Variants in PRDM9 observed in about 807,000 individuals in gnomAD.
The protein encoded by PRDM9 is histone-lysine N-methyltransferase PRDM9.
In PRDM9, 47 loss-of-function variants were observed where a neutral mutation model predicts 55.6. The ratio of observed to expected loss-of-function variants is 0.85; its 90% CI spans 0.67 to 1.08. PRDM9 has a LOEUF of 1.08. Ranked by LOEUF, PRDM9 falls within the 50% of genes least tolerant of loss-of-function variation. PRDM9 has a pLI of 0.00. For synonymous variants in PRDM9, 312 were observed against 375.7 expected (o/e 0.83, Z 1.96); for missense variants, 867 against 1,040.3 (o/e 0.83, Z 2.29).
chr5:23,511,440 A>G (rs576924765), intron 4 of PRDM9, among the ~76,000 whole-genome samples: 1 of 152,160 alleles, frequency 6.6e-6, no homozygotes, highest in African/African-American at 2.4e-5. Flanking sequence ...CCACCTCCCA[A>G]GTTCAAGCGA....
chr5:23,508,867 C>T (rs1739033204), intron 1 of PRDM9, 83 bp from the exon 2 acceptor site: 2 of 773,814 alleles, frequency 2.6e-6, no homozygotes, highest in South Asian at 1.7e-5. Flanking sequence ...GCTCTGAACA[C>T]CCAGCCAGAT....
At chr5:23,514,774 C>T (rs1739171924) in intron 4 of PRDM9, among the ~76,000 whole-genome samples, 1 of 151,714 alleles carries the variant, frequency 6.6e-6, no homozygotes, top group Admixed American at 6.6e-5. Flanking sequence ...AGGGTCCCAC[C>T]CTCATGACAT....
intron 10 of PRDM9, 131 bp downstream of exon 10, chr5:23,524,658 A>G: frequency 6.2e-6 from 8 of 1,295,206 alleles, no homozygotes; most frequent in Non-Finnish European, 8.7e-6. Context: ...GTGGCTTCCA[A>G]AATTAAACAT....
chr5:23,515,726 A>G (rs1236552312), intron 4 of PRDM9, among the ~76,000 whole-genome samples: 1 of 152,214 alleles, frequency 6.6e-6, no homozygotes, highest in East Asian at 1.9e-4. Context: ...TCTCTTTTGC[A>G]TATGTATATC....
rs544416992 is a variant in PRDM9, at chr5:23,508,910, C to T, written c.-84-40C>T. On this transcript the variant is annotated intron_variant, in intron 1 of 10. Coordinates refer to ENST00000296682, the MANE Select transcript of PRDM9 (RefSeq NM_020227.4). ...ACAGAGCCTGGTTCTGGGTAGTGCT[C>T]AGGGCTGTTGCCCCCTCTCAGCACC... 60 of 1,155,042 alleles carry T rather than the reference C, an allele frequency of 5.2e-5. No homozygotes were observed. The African/African-American group carries it at 8.6e-4, about 17-fold the overall frequency. The allele number at this position is 1,155,042 out of a possible 1,614,324, so 71.5% of individuals were successfully genotyped here.
chr5:23,518,459 T>A (rs1739262460), intron 5 of PRDM9, among the ~76,000 whole-genome samples: 1 of 152,310 alleles, frequency 6.6e-6, no homozygotes, highest in East Asian at 1.9e-4. Context: ...TTTTCTCTGT[T>A]ATGGTAAAGT....
At chr5:23,517,236 G>A (rs770748281) in intron 4 of PRDM9, among the ~76,000 whole-genome samples, 1 of 146,606 alleles carries the variant, frequency 6.8e-6, no homozygotes, top group Non-Finnish European at 1.5e-5. Context: ...TTCCTAGTTT[G>A]TTCAGTGTGT....
At chr5:23,518,879 AG>A (rs1236956388) in intron 5 of PRDM9, among the ~76,000 whole-genome samples, 3 of 152,208 alleles carry the variant, frequency 2.0e-5, no homozygotes, top group African/African-American at 2.4e-5. Context: ...AGAACTCCCA[AG>A]CCCAGATCAG....
chr5:23,517,814 G>A, intron 4 of PRDM9, 67 bp from the exon 5 acceptor site: 1 of 1,389,570 alleles, frequency 7.2e-7, no homozygotes, highest in Non-Finnish European at 1.0e-6. Context: ...ATAAAAAATA[G>A]AAGAGAGAAT....
chr5:23,514,873 G>A (rs1739174698), intron 4 of PRDM9, among the ~76,000 whole-genome samples: 1 of 152,046 alleles, frequency 6.6e-6, no homozygotes, highest in Admixed American at 6.6e-5. Context: ...GAATTTGGGG[G>A]AAACAAAATT....
intron 4 of PRDM9, among the ~76,000 whole-genome samples, chr5:23,510,762 C>T (rs1739079988): frequency 6.6e-6 from 1 of 151,812 alleles, no homozygotes; most frequent in Non-Finnish European, 1.5e-5. Context: ...GCCTCAAACT[C>T]CTGGGCTTAA....
chr5:23,525,485 T>A (rs1739412997), intron 10 of PRDM9, among the ~76,000 whole-genome samples: 1 of 152,172 alleles, frequency 6.6e-6, no homozygotes, highest in Non-Finnish European at 1.5e-5. Context: ...GAGAACATAT[T>A]CTCATTTTAT....
intron 8 of PRDM9, 23 bp downstream of exon 8, chr5:23,522,908 C>G: frequency 1.2e-6 from 2 of 1,614,260 alleles, no homozygotes; most frequent in Non-Finnish European, 8.5e-7. Context: ...TGCCATTTCC[C>G]CTGTTCTGTC....
chr5:23,512,206 G>A lies in PRDM9; in HGVS notation c.301+2179G>A, dbSNP rs1033742718. 6.8e-4 allele frequency among the ~76,000 whole-genome samples: 104 copies of A among 152,058 alleles called. 1 individual carries two copies. Among genetic ancestry groups the A allele is most frequent in the African/African-American group, 2.4e-3 (100 of 41,456 alleles). ...CAAAATGAATCTACTTCTTTGTCTC[G>A]ATTCTGGAGCGGGTTTGAGAGAGCT... is the stretch of plus-strand genomic sequence containing the variant. On this transcript the variant is annotated intron_variant, in intron 4 of 10. Coordinates refer to ENST00000296682, the MANE Select transcript of PRDM9 (RefSeq NM_020227.4).
chr5:23,524,698 C>A (rs1739398649), intron 10 of PRDM9, among the ~76,000 whole-genome samples, 171 bp downstream of exon 10: 1 of 152,142 alleles, frequency 6.6e-6, no homozygotes, highest in Admixed American at 6.6e-5. Flanking sequence ...CTCTTTGGAA[C>A]AATTTTCATA....
At chr5:23,518,063 C>T (rs142020661) in intron 5 of PRDM9, 133 bp downstream of exon 5, 2 of 812,550 alleles carry the variant, frequency 2.5e-6, no homozygotes, top group African/African-American at 1.7e-5. Context: ...CAGTGTCTGA[C>T]ATCATCATTA....
chr5:23,521,144 C>G lies in PRDM9; in HGVS notation c.473C>G (p.Ala158Gly). Residue 158 changes from alanine to glycine, a missense_variant, in exon 6 of 11, where the codon GCA (alanine) becomes GGA (glycine). Physicochemically the swap from Ala to Gly is moderately conservative, Grantham distance 60. Coordinates refer to ENST00000296682, the MANE Select transcript of PRDM9 (RefSeq NM_020227.4). Reference sequence around the variant, plus strand: ...AAACCAGTGTCCCCTTCTGGAGAAGCAAGTACCTCTGGACAGCACTCAAGA... The same window carrying G: ...AAACCAGTGTCCCCTTCTGGAGAAGGAAGTACCTCTGGACAGCACTCAAGA... ...AQKPVSPSGE[A>G]STSGQHSRLK... 6.2e-7 allele frequency: 1 copy of G among 1,613,820 alleles called. No individual in the cohort carries two copies.
At chr5:23,510,905 G>C (rs547188747) in intron 4 of PRDM9, among the ~76,000 whole-genome samples, 1 of 151,836 alleles carries the variant, frequency 6.6e-6, no homozygotes, top group East Asian at 2.0e-4. Flanking sequence ...CAGCACTTTG[G>C]GAGGCCAAGG....
intron 6 of PRDM9, 91 bp from the exon 7 acceptor site, chr5:23,522,213 C>T: frequency 1.8e-6 from 2 of 1,133,352 alleles, no homozygotes; most frequent in Non-Finnish European, 2.7e-6. Flanking sequence ...AAGGTAGATG[C>T]CAATTTGATG....
Sources: gnomAD v4.1 joint callset for allele counts (sites outside exome capture counted in the v4.1 genomes callset) on GRCh38, gnomAD v4.1.1 for gene constraint, MANE v1.5 for transcripts, NCBI Gene and HGNC (gene_info 2026-07-23, HGNC 2026-07-21) for gene names.